Variants in EYA1 observed in about 807,000 individuals in gnomAD.
EYA1 encodes the protein protein phosphatase EYA1.
Under a neutral mutation model 82.0 loss-of-function variants are expected in EYA1, and 16 were observed. That is an observed-to-expected ratio of 0.20 (90% CI 0.13 to 0.30). The LOEUF (loss-of-function observed/expected upper bound fraction) is 0.30, where lower values mean the gene tolerates loss of function less well. Ranked by LOEUF, EYA1 falls within the 10% of genes least tolerant of loss-of-function variation. EYA1 has a pLI of 1.00. For synonymous variants in EYA1, 261 were observed against 264.4 expected (o/e 0.99, Z 0.12); for missense variants, 633 against 730.7 (o/e 0.87, Z 1.54).
intron 3 of EYA1, among the ~76,000 whole-genome samples, chr8:71,348,125 A>AT (rs969658384): frequency 4.6e-5 from 7 of 151,896 alleles, no homozygotes; most frequent in South Asian, 4.2e-4. Flanking sequence ...ACATGTATGT[A>AT]TTTTTTTTCT....
chr8:71,412,685 TAGAG>T (rs149628552), intron 2 of EYA1, among the ~76,000 whole-genome samples: 153 of 152,318 alleles, frequency 1.0e-3, no homozygotes, highest in African/African-American at 3.6e-3. Flanking sequence ...TACTCCATAA[TAGAG>T]AGTTAAAAGA....
chr8:71,346,470 C>T (rs531941373), intron 3 of EYA1, among the ~76,000 whole-genome samples: 2 of 86,316 alleles, frequency 2.3e-5, no homozygotes, highest in Non-Finnish European at 2.5e-5. Flanking sequence ...ATATATCCTT[C>T]TCCCTGCAGT....
chr8:71,211,514 T>C (rs1043843247), intron 16 of EYA1, among the ~76,000 whole-genome samples: 5 of 152,202 alleles, frequency 3.3e-5, no homozygotes, highest in African/African-American at 1.2e-4. Flanking sequence ...ACTCATTTAT[T>C]AAAAAATGGA....
intron 2 of EYA1, among the ~76,000 whole-genome samples, chr8:71,442,261 G>A (rs1204854954): frequency 6.6e-6 from 1 of 152,160 alleles, no homozygotes; most frequent in Non-Finnish European, 1.5e-5. Context: ...AGCTCTCTGA[G>A]GACTGGACTG....
At chr8:71,231,928 GC>G (rs1811245340) in intron 12 of EYA1, among the ~76,000 whole-genome samples, 1 of 152,172 alleles carries the variant, frequency 6.6e-6, no homozygotes, top group Non-Finnish European at 1.5e-5. Context: ...AGTCAAGAAA[GC>G]CCCATCCAGT....
intron 4 of EYA1, among the ~76,000 whole-genome samples, chr8:71,322,733 A>C (rs758445768): frequency 1.1e-4 from 17 of 152,184 alleles, no homozygotes; most frequent in Non-Finnish European, 2.4e-4. Context: ...AACATGGTCT[A>C]ATCTTCTCTC....
intron 7 of EYA1, among the ~76,000 whole-genome samples, chr8:71,304,650 G>C (rs1222318626): frequency 7.0e-6 from 1 of 142,450 alleles, no homozygotes; most frequent in Admixed American, 7.0e-5. Context: ...TATAGCAATT[G>C]CTTCAAAAAT....
chr8:71,343,528 T>C (rs1196160329), intron 3 of EYA1, among the ~76,000 whole-genome samples: 5 of 152,174 alleles, frequency 3.3e-5, no homozygotes, highest in Admixed American at 3.3e-4. Flanking sequence ...GAACCTGAAC[T>C]AGCATGTTAA....
At chr8:71,527,763 G>C (rs1323349649) in intron 2 of EYA1, among the ~76,000 whole-genome samples, 1 of 152,090 alleles carries the variant, frequency 6.6e-6, no homozygotes, top group Non-Finnish European at 1.5e-5. Context: ...ATTATCCTGG[G>C]ACTCTGTTCC....
At chr8:71,228,996 G>A (rs1414907349) in intron 12 of EYA1, among the ~76,000 whole-genome samples, 4 of 152,102 alleles carry the variant, frequency 2.6e-5, no homozygotes, top group African/African-American at 9.7e-5. Context: ...GGGAGACAGG[G>A]AATATGTTTT....
intron 2 of EYA1, among the ~76,000 whole-genome samples, chr8:71,452,436 C>T (rs944869214): frequency 1.1e-4 from 17 of 152,162 alleles, no homozygotes; most frequent in South Asian, 4.1e-4. Context: ...TCTCCCAGCA[C>T]GGAGTTTGAG....
chr8:71,376,560 G>A (rs1196667708), intron 2 of EYA1, among the ~76,000 whole-genome samples: 1 of 152,144 alleles, frequency 6.6e-6, no homozygotes, highest in Non-Finnish European at 1.5e-5. Flanking sequence ...CAGGTGAAAG[G>A]AGTGTAATCT....
chr8:71,275,145 G>C (rs1305845899), intron 9 of EYA1, among the ~76,000 whole-genome samples: 1 of 152,136 alleles, frequency 6.6e-6, no homozygotes, highest in East Asian at 1.9e-4. Flanking sequence ...ATGGGAGACC[G>C]GCCAGGAGGA....
intron 2 of EYA1, among the ~76,000 whole-genome samples, chr8:71,415,448 A>G: frequency 6.6e-6 from 1 of 152,212 alleles, no homozygotes; most frequent in Non-Finnish European, 1.5e-5. Context: ...GCAAAATGAT[A>G]CAACGTGAGC....
At chr8:71,377,752 A>G (rs988672234) in intron 2 of EYA1, among the ~76,000 whole-genome samples, 2 of 152,132 alleles carry the variant, frequency 1.3e-5, no homozygotes, top group Non-Finnish European at 2.9e-5. Context: ...TTCTGCCTCT[A>G]CCCAGCCCCT....
At chr8:71,212,374 A>G (rs1325238115) in intron 16 of EYA1, among the ~76,000 whole-genome samples, 3 of 152,270 alleles carry the variant, frequency 2.0e-5, no homozygotes, top group Admixed American at 6.5e-5. Flanking sequence ...AATCACTTTA[A>G]GAAGCAAATG....
intron 2 of EYA1, among the ~76,000 whole-genome samples, chr8:71,378,636 G>A (rs1332586178): frequency 6.6e-6 from 1 of 152,144 alleles, no homozygotes; most frequent in Non-Finnish European, 1.5e-5. Context: ...GTAAAGAAAT[G>A]AAGACACCAG....
chr8:71,405,350 T>A (rs1034475911), intron 2 of EYA1, among the ~76,000 whole-genome samples: 1 of 152,220 alleles, frequency 6.6e-6, no homozygotes, highest in South Asian at 2.1e-4. Context: ...CAACCTTTTT[T>A]CGGGATAATT....
intron 6 of EYA1, among the ~76,000 whole-genome samples, chr8:71,318,224 G>C (rs1822144093): frequency 6.6e-6 from 1 of 151,992 alleles, no homozygotes; most frequent in Non-Finnish European, 1.5e-5. Context: ...AGCAATACTG[G>C]GCACAGAACT....
Sources: allele counts gnomAD v4.1 joint callset (sites outside exome capture counted in the v4.1 genomes callset), GRCh38; gene constraint gnomAD v4.1.1; transcripts MANE v1.5; gene names NCBI Gene and HGNC (gene_info 2026-07-23, HGNC 2026-07-21).